Variants in CDKL5 observed in about 807,000 individuals in gnomAD.
CDKL5 encodes the protein cyclin dependent kinase like 5.
Under a neutral mutation model 61.7 loss-of-function variants are expected in CDKL5, and 8 were observed. That is an observed-to-expected ratio of 0.13 (90% CI 0.08 to 0.23). The LOEUF is 0.23. CDKL5 is among the 10% of genes least tolerant of loss of function. CDKL5 has a pLI of 1.00. For missense variants in CDKL5, 440 were observed against 734.5 expected (o/e 0.60, Z 4.63); for synonymous variants, 275 against 272.3 (o/e 1.01, Z -0.10).
Position 18,552,251 on chromosome X carries a change from A to G in CDKL5, c.100-12226A>G, listed in dbSNP as rs1924426294. 7.3e-5 allele frequency among the ~76,000 whole-genome samples: 8 copies of G among 109,310 alleles called. No individual in the cohort carries two copies. The South Asian group carries it at 3.1e-3, about 43-fold the overall frequency. 94.9% of individuals were successfully genotyped at this position (109,310 alleles called of 115,157 possible). A position where few individuals can be genotyped will look rare whatever the true frequency, so the allele number is the denominator to read the frequency against. On this transcript the variant is annotated intron_variant, in intron 3 of 17. Coordinates refer to ENST00000623535, the MANE Select transcript of CDKL5 (RefSeq NM_001323289.2). The stretch of plus-strand genomic sequence containing the variant: ...AGACTCCGTCTCAAAAAAAAAAAAA[A>G]AAGAAAGAAAGAAAGAAAGAAAAAA...
intron 3 of CDKL5, among the ~76,000 whole-genome samples, chrX:18,531,700 C>CTTTTTTTTT (rs200547617): frequency 9.3e-6 from 1 of 107,855 alleles, no homozygotes; most frequent in African/African-American, 3.5e-5. Context: ...TTCTTTTTTT[C>CTTTTTTTTT]TTTTTTCTTT....
chrX:18,543,036 T>C (rs951936704), intron 3 of CDKL5, among the ~76,000 whole-genome samples: 7 of 110,862 alleles, frequency 6.3e-5, no homozygotes. Context: ...TCAGCCTCAC[T>C]GATCTCATCA....
At chrX:18,601,640 C>T (rs1926182020) in intron 11 of CDKL5, among the ~76,000 whole-genome samples, 1 of 112,418 alleles carries the variant, frequency 8.9e-6, no homozygotes, top group African/African-American at 3.2e-5. Flanking sequence ...CTCAGAATGG[C>T]AGTTTAGGCT....
chrX:18,570,279 C>T (rs754354031), intron 4 of CDKL5, among the ~76,000 whole-genome samples: 1 of 112,215 alleles, frequency 8.9e-6, no homozygotes, highest in Non-Finnish European at 1.9e-5. Flanking sequence ...GATTTTACCA[C>T]ACTTCCTTTT....
At chrX:18,526,840 A>G (rs1461899846) in intron 3 of CDKL5, among the ~76,000 whole-genome samples, 2 of 108,420 alleles carry the variant, frequency 1.8e-5, no homozygotes, top group South Asian at 4.0e-4. Context: ...CTGGAGTGCA[A>G]TGGTGCGATC....
At chrX:18,484,684 T>C (rs1464027261) in intron 1 of CDKL5, among the ~76,000 whole-genome samples, 1 of 111,469 alleles carries the variant, frequency 9.0e-6, no homozygotes, top group Non-Finnish European at 1.9e-5. Context: ...CATTTCTTTC[T>C]CTGTATCTTT....
At chrX:18,532,199 T>A (rs1055270369) in intron 3 of CDKL5, among the ~76,000 whole-genome samples, 5 of 112,280 alleles carry the variant, frequency 4.5e-5, no homozygotes, top group Non-Finnish European at 9.4e-5. Flanking sequence ...CCCAGTTATT[T>A]TCATCCCTTT....
At chrX:18,477,661 A>G (rs1921368479) in intron 1 of CDKL5, among the ~76,000 whole-genome samples, 1 of 111,112 alleles carries the variant, frequency 9.0e-6, no homozygotes, top group African/African-American at 3.3e-5. Context: ...GCTTATCAGA[A>G]TCTACTTCAG....
intron 3 of CDKL5, among the ~76,000 whole-genome samples, chrX:18,532,598 T>G (rs1381387291): frequency 1.8e-5 from 2 of 112,224 alleles, no homozygotes; most frequent in Non-Finnish European, 3.8e-5. Flanking sequence ...AAGAATGTAG[T>G]AATTATAAAC....
chrX:18,553,486 G>GTA (rs1211590216), intron 3 of CDKL5, among the ~76,000 whole-genome samples: 2 of 108,583 alleles, frequency 1.8e-5, no homozygotes, highest in Non-Finnish European at 3.8e-5. Context: ...GTGTGTGTGT[G>GTA]TGTGTGTGTG....
chrX:18,436,357 T>C (rs1393886024), intron 1 of CDKL5, among the ~76,000 whole-genome samples: 1 of 109,780 alleles, frequency 9.1e-6, no homozygotes, highest in Non-Finnish European at 1.9e-5. Context: ...AAAATCTGGG[T>C]ATAAGTAGAT....
intron 10 of CDKL5, among the ~76,000 whole-genome samples, chrX:18,597,985 G>A (rs1408555597): frequency 9.0e-6 from 1 of 111,304 alleles, no homozygotes; most frequent in African/African-American, 3.3e-5. Context: ...AAAATAAAAG[G>A]AACAGGTAGA....
intron 3 of CDKL5, among the ~76,000 whole-genome samples, chrX:18,544,995 A>G (rs915797709): frequency 5.4e-5 from 6 of 111,492 alleles, no homozygotes; most frequent in Non-Finnish European, 1.1e-4. Flanking sequence ...TGGGAGGCCA[A>G]GGCGGGAGGA....
At position 18,452,819 on chromosome X, in the gene CDKL5, G is replaced by GTTT. The variant is rs757726659; in HGVS notation, c.-163+27151_-163+27153dup. On this transcript the variant is annotated intron_variant, in intron 1 of 17. Transcript: ENST00000623535. ...CATCACTATTTATAATAGTTCTCAA[G>GTTT]TTTTTTTTTTTTTTTTTTTTTTTTT... Among the ~76,000 whole-genome samples the GTTT allele has an allele frequency of 1.2e-3, 72 of 57,670 alleles. 15 individuals carry two copies. Among genetic ancestry groups the GTTT allele is most frequent in the East Asian group, 4.4e-3 (6 of 1,371 alleles). 50.1% of individuals were successfully genotyped at this position (57,670 alleles called of 115,157 possible).
intron 20 of CDKL5, among the ~76,000 whole-genome samples, chrX:18,649,468 CA>C (rs1927937546): frequency 8.9e-6 from 1 of 111,863 alleles, no homozygotes; most frequent in Non-Finnish European, 1.9e-5. Context: ...CAGAGACGGC[CA>C]TGCCCTGTCC....
downstream of CDKL5, chrX:18,642,124 C>T (rs769781603): frequency 9.1e-6 from 11 of 1,211,440 alleles, no homozygotes; most frequent in East Asian, 3.0e-5. Context: ...GGTTCTGAAC[C>T]GTGGAGGTGC....
At chrX:18,494,221 C>A in intron 1 of CDKL5, among the ~76,000 whole-genome samples, 1 of 110,920 alleles carries the variant, frequency 9.0e-6, no homozygotes, top group Middle Eastern at 4.9e-3. Context: ...TGGCTCTGAT[C>A]CCATTTTAGC....
At chrX:18,463,814 A>G (rs1932342099) in intron 1 of CDKL5, among the ~76,000 whole-genome samples, 1 of 111,879 alleles carries the variant, frequency 8.9e-6, no homozygotes, top group African/African-American at 3.2e-5. Flanking sequence ...GTGTCTTACA[A>G]GAACTAATTA....
chrX:18,430,281 A>G (rs1310854698), intron 1 of CDKL5, among the ~76,000 whole-genome samples: 1 of 112,414 alleles, frequency 8.9e-6, no homozygotes, highest in South Asian at 3.6e-4. Flanking sequence ...TACATTTGCT[A>G]CACTAATAAA....
Sources: gnomAD v4.1 joint callset for allele counts (sites outside exome capture counted in the v4.1 genomes callset) on GRCh38, gnomAD v4.1.1 for gene constraint, MANE v1.5 for transcripts, NCBI Gene and HGNC (gene_info 2026-07-23, HGNC 2026-07-21) for gene names.